Variants in ARL6 observed in about 807,000 individuals in gnomAD.
The protein encoded by ARL6 is ADP-ribosylation factor-like protein 6.
Under a neutral mutation model 27.1 loss-of-function variants are expected in ARL6, and 18 were observed. The observed-to-expected ratio is 0.66, with a 90% confidence interval of 0.46 to 0.98. ARL6 has a LOEUF of 0.98. ARL6 is among the 50% of genes least tolerant of loss of function. The probability of loss-of-function intolerance (pLI) is 0.00; values close to 1 mark genes in which losing one functional copy is unlikely to be tolerated. For missense variants in ARL6, 187 were observed against 214.9 expected (o/e 0.87, Z 0.81); for synonymous variants, 65 against 72.3 (o/e 0.90, Z 0.51).
At chr3:97,772,833 C>G (rs997508302) in intron 2 of ARL6, among the ~76,000 whole-genome samples, 1 of 151,990 alleles carries the variant, frequency 6.6e-6, no homozygotes, top group Non-Finnish European at 1.5e-5. Flanking sequence ...GTTGGTCAGG[C>G]TGGTCTCAAA....
chr3:97,780,035 CTT>C, intron 2 of ARL6, 122 bp from the exon 3 acceptor site: 1 of 747,578 alleles, frequency 1.3e-6, no homozygotes. Flanking sequence ...AATTATATAA[CTT>C]TGTTAAATCC....
chr3:97,771,826 T>C (rs902790159), intron 2 of ARL6, among the ~76,000 whole-genome samples: 1 of 152,184 alleles, frequency 6.6e-6, no homozygotes, highest in Non-Finnish European at 1.5e-5. Flanking sequence ...ATTAATCTTA[T>C]GGGCTCATAT....
chr3:97,775,651 A>G (rs1332905046), intron 2 of ARL6, among the ~76,000 whole-genome samples: 1 of 152,194 alleles, frequency 6.6e-6, no homozygotes, highest in Non-Finnish European at 1.5e-5. Context: ...AGTATTAACC[A>G]TCACAAAGAA....
rs2038193826 is a variant in ARL6 at position 97,800,224 on chromosome 3, A to C, written c.*2175A>C. 6.6e-6 allele frequency: 1 copy of C among 152,152 alleles called. No homozygotes were observed. Among genetic ancestry groups the C allele is most frequent in the African/African-American group, 2.4e-5 (1 of 41,450 alleles). 9.4% of individuals were successfully genotyped at this position (152,152 alleles called of 1,614,324 possible). ...TCTAGTTTTTAGTCTATAAACATCC[A>C]TCCCTACTCCACATTTTCATGTAAA... is the stretch of plus-strand genomic sequence containing the variant. On this transcript the variant is annotated 3_prime_UTR_variant, in exon 8 of 8. Coordinates refer to ENST00000463745, the MANE Select transcript of ARL6 (RefSeq NM_001278293.3).
At chr3:97,790,567 G>A (rs1049598612) in intron 6 of ARL6, among the ~76,000 whole-genome samples, 1 of 151,900 alleles carries the variant, frequency 6.6e-6, no homozygotes, top group African/African-American at 2.4e-5. Flanking sequence ...AGAGGGGAAG[G>A]GTTTCATTGT....
chr3:97,780,118 T>G, intron 2 of ARL6, 41 bp from the exon 3 acceptor site: 1 of 1,518,602 alleles, frequency 6.6e-7, no homozygotes, highest in Non-Finnish European at 9.1e-7. Flanking sequence ...AACTCATCTC[T>G]GGTAATTGTA....
rs1035888607 is a variant in ARL6 at position 97,780,176 on chromosome 3, C to T, written c.141C>T (p.Ile47=). The part of the protein sequence containing the change: ...LKPSNAQSQN[I]LPTIGFSIEK... ...TCTTAAAGGCTCAATCTCAAAATAT[C>T]CTTCCAACAATAGGATTCAGCATAG... The change falls in exon 3 of 8, where the codon ATC becomes ATT. Residue 47 remains isoleucine, a synonymous_variant. Transcript: ENST00000463745. The T allele has an allele frequency of 1.2e-6, 2 of 1,612,874 alleles. No homozygotes were observed. The highest frequency in any genetic ancestry group is 1.7e-6 in the Non-Finnish European group (2 of 1,179,138).
intron 4 of ARL6, among the ~76,000 whole-genome samples, chr3:97,784,029 T>A (rs1345712707): frequency 1.3e-5 from 2 of 151,878 alleles, no homozygotes; most frequent in Admixed American, 6.6e-5. Flanking sequence ...ATGTTACTCC[T>A]AACATTTCTA....
chr3:97,781,577 A>T (rs1024135110), intron 4 of ARL6, among the ~76,000 whole-genome samples: 1 of 152,094 alleles, frequency 6.6e-6, no homozygotes, highest in African/African-American at 2.4e-5. Flanking sequence ...TTTATATAAG[A>T]GACTTGAGCA....
At chr3:97,793,653 A>C (rs1277488040) in intron 7 of ARL6, among the ~76,000 whole-genome samples, 1 of 152,188 alleles carries the variant, frequency 6.6e-6, no homozygotes, top group Non-Finnish European at 1.5e-5. Context: ...ACAAATTGCC[A>C]ACTCTGGTCT....
At chr3:97,769,733 G>A (rs2036553813) in intron 2 of ARL6, among the ~76,000 whole-genome samples, 1 of 151,818 alleles carries the variant, frequency 6.6e-6, no homozygotes, top group South Asian at 2.1e-4. Flanking sequence ...CCTACTCTAT[G>A]TCTCTATGAG....
At chr3:97,780,572 T>C (rs752447497) in intron 3 of ARL6, 43 bp from the exon 4 acceptor site, 16 of 1,481,318 alleles carry the variant, frequency 1.1e-5, no homozygotes, top group Non-Finnish European at 1.5e-5. Context: ...GTAAAAGTTA[T>C]GCTTTAGTTT....
chr3:97,776,246 T>G (rs1398235332), intron 2 of ARL6, among the ~76,000 whole-genome samples: 1 of 152,234 alleles, frequency 6.6e-6, no homozygotes, highest in Non-Finnish European at 1.5e-5. Flanking sequence ...CTGATATGAG[T>G]ATAGTTAATC....
chr3:97,773,604 C>T (rs902039739), intron 2 of ARL6, among the ~76,000 whole-genome samples: 1 of 152,062 alleles, frequency 6.6e-6, no homozygotes. Context: ...AATCCCCAAC[C>T]CAAATGCTAT....
intron 7 of ARL6, among the ~76,000 whole-genome samples, chr3:97,797,242 A>C (rs1426841358): frequency 6.6e-6 from 1 of 152,180 alleles, no homozygotes; most frequent in African/African-American, 2.4e-5. Flanking sequence ...TGTGTAATGT[A>C]CTTCATAGTA....
chr3:97,770,249 C>T (rs2107988543), intron 2 of ARL6, among the ~76,000 whole-genome samples: 1 of 152,058 alleles, frequency 6.6e-6, no homozygotes, highest in East Asian at 1.9e-4. Flanking sequence ...GAAATAATAT[C>T]TCATTGTAGT....
chr3:97,775,797 AT>A (rs1196196591), intron 2 of ARL6, among the ~76,000 whole-genome samples: 27 of 152,330 alleles, frequency 1.8e-4, no homozygotes, highest in Non-Finnish European at 4.0e-4. Flanking sequence ...GTTAGAAAAG[AT>A]ACTTGATATG....
intron 3 of ARL6, 144 bp from the exon 4 acceptor site, chr3:97,780,471 A>T (rs1347242005): frequency 9.2e-6 from 7 of 758,204 alleles, no homozygotes; most frequent in Non-Finnish European, 6.6e-6. Flanking sequence ...TAATACATTT[A>T]TTTCATAGAA....
intron 1 of ARL6, among the ~76,000 whole-genome samples, chr3:97,766,960 G>A (rs369838846): frequency 6.6e-6 from 1 of 151,808 alleles, no homozygotes; most frequent in South Asian, 2.1e-4. Flanking sequence ...GACCCAAAGT[G>A]AGCTCCTTTG....
Sources: gnomAD v4.1 joint callset for allele counts (sites outside exome capture counted in the v4.1 genomes callset) on GRCh38, gnomAD v4.1.1 for gene constraint, MANE v1.5 for transcripts, NCBI Gene and HGNC (gene_info 2026-07-23, HGNC 2026-07-21) for gene names.